The following KCNMA1 variants were observed in gnomAD, a reference collection of about 807,000 sequenced individuals.
KCNMA1 encodes Calcium-activated potassium channel subunit alpha-1.
KCNMA1 carries 29 observed loss-of-function variants against 140.0 expected under a neutral mutation model. That is an observed-to-expected ratio of 0.21 (90% CI 0.15 to 0.28). The LOEUF (loss-of-function observed/expected upper bound fraction) is 0.28, where lower values mean the gene tolerates loss of function less well. Ranked by LOEUF, KCNMA1 falls within the 10% of genes least tolerant of loss-of-function variation. KCNMA1 has a pLI of 1.00. For missense variants in KCNMA1, 880 were observed against 1,602.2 expected (o/e 0.55, Z 7.70); for synonymous variants, 612 against 611.9 (o/e 1.00, Z 0.00).
chr10:76,981,038 T>C (rs957623401), intron 19 of KCNMA1, among the ~76,000 whole-genome samples: 4 of 152,202 alleles, frequency 2.6e-5, no homozygotes, highest in Non-Finnish European at 2.9e-5. Context: ...GGTGAGCTCT[T>C]TCTAAATGCT....
At chr10:77,489,559 G>C (rs893245455) in intron 1 of KCNMA1, among the ~76,000 whole-genome samples, 3 of 152,040 alleles carry the variant, frequency 2.0e-5, no homozygotes, top group Non-Finnish European at 4.4e-5. Flanking sequence ...GGTTGACCTC[G>C]AACTCCTGAC....
At chr10:77,562,145 A>G (rs1451443465) in intron 1 of KCNMA1, among the ~76,000 whole-genome samples, 1 of 152,220 alleles carries the variant, frequency 6.6e-6, no homozygotes, top group Non-Finnish European at 1.5e-5. Context: ...TGTGCTGATT[A>G]TATTCAATAC....
At chr10:77,382,992 GTGTATA>G (rs1281519893) in intron 2 of KCNMA1, among the ~76,000 whole-genome samples, 965 of 44,364 alleles carry the variant, frequency 0.022, 5 homozygotes, top group African/African-American at 0.08. Context: ...GTGTGTGTGT[GTGTATA>G]TATATATATA....
intron 1 of KCNMA1, among the ~76,000 whole-genome samples, chr10:77,556,497 T>A (rs1313189750): frequency 8.8e-5 from 7 of 79,258 alleles, no homozygotes; most frequent in Admixed American, 2.0e-4. Flanking sequence ...AGAGTGGGAC[T>A]ATCTCAAAAA....
At chr10:77,424,704 G>A (rs2096939433) in intron 1 of KCNMA1, among the ~76,000 whole-genome samples, 1 of 152,214 alleles carries the variant, frequency 6.6e-6, no homozygotes, top group African/African-American at 2.4e-5. Flanking sequence ...GAGTATGGCA[G>A]AGGACCTGTT....
chr10:77,081,980 T>C (rs963490209), intron 12 of KCNMA1, among the ~76,000 whole-genome samples: 8 of 147,412 alleles, frequency 5.4e-5, no homozygotes, highest in Non-Finnish European at 7.5e-5. Flanking sequence ...GATACTACCT[T>C]TGACCAGTAA....
chr10:77,412,675 G>A (rs973926210), intron 1 of KCNMA1, among the ~76,000 whole-genome samples: 2 of 152,198 alleles, frequency 1.3e-5, no homozygotes, highest in Non-Finnish European at 2.9e-5. Context: ...GGTTACCAAG[G>A]GAGGGCAGAG....
intron 19 of KCNMA1, among the ~76,000 whole-genome samples, chr10:76,988,557 G>A (rs1399454342): frequency 1.3e-5 from 2 of 152,074 alleles, no homozygotes; most frequent in East Asian, 1.9e-4. Context: ...AGAAAAAGAT[G>A]AGTTGAGATC....
At chr10:77,356,297 A>G (rs1469989251) in intron 2 of KCNMA1, among the ~76,000 whole-genome samples, 1 of 152,234 alleles carries the variant, frequency 6.6e-6, no homozygotes, top group Non-Finnish European at 1.5e-5. Context: ...AAAAATATCA[A>G]TAACGGAAGC....
chr10:77,272,873 T>C (rs182982248), intron 2 of KCNMA1, among the ~76,000 whole-genome samples: 7 of 152,308 alleles, frequency 4.6e-5, no homozygotes, highest in African/African-American at 1.2e-4. Context: ...ATGGCACTTA[T>C]CTTAGTAAAC....
chr10:77,064,307 T>C (rs1277999572), intron 14 of KCNMA1, among the ~76,000 whole-genome samples: 1 of 152,218 alleles, frequency 6.6e-6, no homozygotes, highest in Non-Finnish European at 1.5e-5. Context: ...CATGTACATT[T>C]GCTTTTGATT....
chr10:77,070,226 C>A (rs954579790), intron 14 of KCNMA1, among the ~76,000 whole-genome samples: 28 of 152,086 alleles, frequency 1.8e-4, no homozygotes, highest in African/African-American at 5.6e-4. Context: ...TATATAATCC[C>A]AGCACTTTGG....
intron 5 of KCNMA1, among the ~76,000 whole-genome samples, chr10:77,130,233 C>T (rs888356442): frequency 6.6e-6 from 1 of 152,162 alleles, no homozygotes; most frequent in Non-Finnish European, 1.5e-5. Context: ...TAAGTATTCA[C>T]ACAACCATTC....
At chr10:77,112,044 G>T (rs2097338197) in intron 7 of KCNMA1, among the ~76,000 whole-genome samples, 1 of 152,166 alleles carries the variant, frequency 6.6e-6, no homozygotes, top group African/African-American at 2.4e-5. Flanking sequence ...CCTTTTCCAG[G>T]TGTTTGCTTA....
chr10:77,534,054 G>A (rs1173723494), intron 1 of KCNMA1, among the ~76,000 whole-genome samples: 1 of 152,122 alleles, frequency 6.6e-6, no homozygotes, highest in Non-Finnish European at 1.5e-5. Flanking sequence ...CAGGCAGCCA[G>A]GTAACTCCAG....
At chr10:77,234,563 T>A (rs1164691457) in intron 3 of KCNMA1, among the ~76,000 whole-genome samples, 2 of 152,242 alleles carry the variant, frequency 1.3e-5, no homozygotes, top group Admixed American at 6.5e-5. Flanking sequence ...AGACTACTGA[T>A]ACCAAATTAG....
At chr10:76,914,277 G>T in intron 24 of KCNMA1, 1 of 657,372 alleles carries the variant, frequency 1.5e-6, no homozygotes. Flanking sequence ...TGTCTTGGGG[G>T]AAGAGGCCAC....
At chr10:76,955,538 A>G (rs2067920351) in intron 20 of KCNMA1, among the ~76,000 whole-genome samples, 1 of 152,228 alleles carries the variant, frequency 6.6e-6, no homozygotes, top group African/African-American at 2.4e-5. Context: ...TACTATAGGA[A>G]TATCTGTCAT....
At chr10:77,488,782 A>G (rs2098494529) in intron 1 of KCNMA1, among the ~76,000 whole-genome samples, 1 of 152,082 alleles carries the variant, frequency 6.6e-6, no homozygotes, top group East Asian at 1.9e-4. Context: ...AGAAGTGCAG[A>G]GGACACTCTG....
Sources: gnomAD v4.1 joint callset for allele counts (sites outside exome capture counted in the v4.1 genomes callset) on GRCh38, gnomAD v4.1.1 for gene constraint, MANE v1.5 for transcripts, NCBI Gene and HGNC (gene_info 2026-07-23, HGNC 2026-07-21) for gene names.